The following CSMD3 variants were observed in gnomAD, a reference collection of about 807,000 sequenced individuals.
CSMD3 encodes the protein CUB and sushi domain-containing protein 3.
CSMD3 carries 177 observed loss-of-function variants against 435.2 expected under a neutral mutation model. The ratio of observed to expected loss-of-function variants is 0.41; its 90% confidence interval spans 0.36 to 0.46. CSMD3 has a LOEUF of 0.46. Among genes scored for constraint, CSMD3 ranks in the 20% least tolerant of loss-of-function variants. The pLI, the probability that CSMD3 is intolerant of heterozygous loss-of-function variation, is 0.34. For synonymous variants in CSMD3, 1,656 were observed against 1,520.5 expected, an observed-to-expected ratio of 1.09 and a Z score of -2.07; for missense variants, 4,265 against 4,504.6, an observed-to-expected ratio of 0.95 and a Z score of 1.52.
At chr8:112,500,033 C>T (rs1338616232) in intron 30 of CSMD3, among the ~76,000 whole-genome samples, 1 of 151,856 alleles carries the variant, frequency 6.6e-6, no homozygotes, top group Non-Finnish European at 1.5e-5. Context: ...TGCTTGAATC[C>T]GGGATGCAAA....
intron 5 of CSMD3, 87 bp downstream of exon 5, chr8:113,098,669 C>G: frequency 1.1e-6 from 1 of 894,732 alleles, no homozygotes; most frequent in Non-Finnish European, 1.8e-6. Flanking sequence ...AATATCCAAA[C>G]CTGTAAAAGT....
At chr8:112,304,438 T>A (rs1000191965) in intron 52 of CSMD3, among the ~76,000 whole-genome samples, 5 of 151,856 alleles carry the variant, frequency 3.3e-5, no homozygotes, top group Non-Finnish European at 7.4e-5. Flanking sequence ...GCAGTGTCTG[T>A]CAAGTAGTAA....
At chr8:112,985,983 G>C (rs139651606) in intron 6 of CSMD3, among the ~76,000 whole-genome samples, 4 of 151,882 alleles carry the variant, frequency 2.6e-5, no homozygotes, top group Non-Finnish European at 4.4e-5. Flanking sequence ...CCCCACCCCC[G>C]ATCTGTGGAA....
intron 32 of CSMD3, among the ~76,000 whole-genome samples, chr8:112,442,011 C>A (rs1362925112): frequency 6.6e-6 from 1 of 152,102 alleles, no homozygotes; most frequent in Admixed American, 6.6e-5. Context: ...ATACCTGAGA[C>A]TGGGTAATTT....
chr8:112,899,132 C>T (rs1282827095), intron 10 of CSMD3, among the ~76,000 whole-genome samples: 1 of 151,064 alleles, frequency 6.6e-6, no homozygotes, highest in Non-Finnish European at 1.5e-5. Flanking sequence ...AGTTTTAAAT[C>T]CTTAATTTTA....
At chr8:113,050,263 A>T (rs1564254901) in intron 5 of CSMD3, among the ~76,000 whole-genome samples, 1 of 152,028 alleles carries the variant, frequency 6.6e-6, no homozygotes, top group Non-Finnish European at 1.5e-5. Context: ...CATATATATA[A>T]AATTCATGAA....
intron 6 of CSMD3, among the ~76,000 whole-genome samples, chr8:113,010,853 T>C (rs757527300): frequency 1.3e-5 from 2 of 151,618 alleles, no homozygotes; most frequent in Non-Finnish European, 3.0e-5. Context: ...ACAGTATCAA[T>C]GCTATGAAGA....
intron 45 of CSMD3, among the ~76,000 whole-genome samples, chr8:112,334,571 T>A (rs1258032921): frequency 2.0e-5 from 3 of 152,114 alleles, no homozygotes; most frequent in Non-Finnish European, 4.4e-5. Context: ...GCAGAATGTG[T>A]TATAATGAGA....
At chr8:112,775,380 G>T (rs1230859984) in intron 13 of CSMD3, among the ~76,000 whole-genome samples, 2 of 151,788 alleles carry the variant, frequency 1.3e-5, no homozygotes, top group African/African-American at 4.8e-5. Flanking sequence ...AATGTTAGTT[G>T]AATGAATCAC....
intron 31 of CSMD3, among the ~76,000 whole-genome samples, chr8:112,485,450 T>C (rs1820031345): frequency 6.6e-6 from 1 of 152,138 alleles, no homozygotes; most frequent in South Asian, 2.1e-4. Context: ...AATGGCTCAG[T>C]ATATTAGATT....
In CSMD3 at chr8:113,063,708, C is replaced by T. The variant is rs79015515; in HGVS notation, c.917+35048G>A. Among the ~76,000 whole-genome samples the T allele has an allele frequency of 1.5e-4, 23 of 151,946 alleles. No homozygotes were observed. In the East Asian group the frequency reaches 4.5e-3, roughly 29 times the overall value. ...TTGTTGGAAACATGTGCCTACAAAC[C>T]AAACATAACTCTATTTAGTTTGTCA... is the stretch of plus-strand genomic sequence containing the variant. On this transcript the variant is annotated intron_variant, in intron 5 of 70. Transcript: ENST00000297405.
At chr8:112,469,616 C>A (rs1356315253) in intron 32 of CSMD3, among the ~76,000 whole-genome samples, 1 of 152,124 alleles carries the variant, frequency 6.6e-6, no homozygotes, top group African/African-American at 2.4e-5. Flanking sequence ...AGATCCCTCA[C>A]ATGTACAGTT....
chr8:112,523,678 G>T (rs1295646080), intron 27 of CSMD3, among the ~76,000 whole-genome samples: 1 of 152,034 alleles, frequency 6.6e-6, no homozygotes, highest in Non-Finnish European at 1.5e-5. Flanking sequence ...TTGAAATGCA[G>T]ATGGTAACCT....
At chr8:113,108,630 T>A (rs2090552069) in intron 4 of CSMD3, among the ~76,000 whole-genome samples, 1 of 152,078 alleles carries the variant, frequency 6.6e-6, no homozygotes, top group Admixed American at 6.6e-5. Context: ...CCAAACTTAA[T>A]GAGTGAATTT....
intron 38 of CSMD3, among the ~76,000 whole-genome samples, chr8:112,366,170 G>A (rs1252332701): frequency 1.3e-5 from 2 of 152,242 alleles, no homozygotes; most frequent in East Asian, 3.9e-4. Flanking sequence ...AAAGGTCATG[G>A]CAACAGTTTT....
intron 2 of CSMD3, chr8:113,312,232 C>A (rs916245937): frequency 3.3e-5 from 5 of 152,000 alleles, no homozygotes; most frequent in Admixed American, 3.3e-4. Flanking sequence ...TCAATTCAAG[C>A]CTCATTTTAT....
Position 112,472,668 on chromosome 8 carries a change from A to T in CSMD3, c.5318T>A (p.Val1773Asp). 1 of 1,612,188 alleles carries T rather than the reference A, an allele frequency of 6.2e-7. No homozygotes were observed. The highest frequency in any genetic ancestry group is 8.5e-7 in the Non-Finnish European group (1 of 1,178,462). Reference sequence around the variant, plus strand: ...ATTTTTTGGATAGTTTGGTGATAGAACAGTGCCTTCTGAACCTGTTGAACG... The same window carrying T: ...ATTTTTTGGATAGTTTGGTGATAGATCAGTGCCTTCTGAACCTGTTGAACG... ...GSRSTGSEGT[V>D]LSPNYPKNYS... Residue 1773 changes from valine (V) to aspartate (D), a missense_variant, in exon 32 of 71, where the codon GTT (valine) becomes GAT (aspartate). Transcript: ENST00000297405.
intron 45 of CSMD3, among the ~76,000 whole-genome samples, chr8:112,324,568 GGGGTGTGTGTGT>G (rs1254088820): frequency 3.0e-5 from 4 of 132,788 alleles, no homozygotes; most frequent in East Asian, 2.1e-4. Flanking sequence ...GTTGAAGCAA[GGGGTGTGTGTGT>G]GGGTGTGTGT....
chr8:112,454,393 T>A (rs1386177213), intron 32 of CSMD3, among the ~76,000 whole-genome samples: 2 of 152,016 alleles, frequency 1.3e-5, no homozygotes, highest in Non-Finnish European at 2.9e-5. Flanking sequence ...TCATAATCTA[T>A]AAGGAAATTA....
Sources: allele counts gnomAD v4.1 joint callset (sites outside exome capture counted in the v4.1 genomes callset), GRCh38; gene constraint gnomAD v4.1.1; transcripts MANE v1.5; gene names NCBI Gene and HGNC (gene_info 2026-07-23, HGNC 2026-07-21).